The following PSD2 variants were observed in gnomAD, a reference collection of about 807,000 sequenced individuals.
The protein encoded by PSD2 is pleckstrin and Sec7 domain containing 2.
PSD2 carries 38 observed loss-of-function variants against 69.8 expected under a neutral mutation model. The observed-to-expected ratio is 0.54, with a 90% CI of 0.42 to 0.71. The LOEUF (loss-of-function observed/expected upper bound fraction) is 0.71, where lower values mean the gene tolerates loss of function less well. PSD2 is among the 30% of genes least tolerant of loss of function. The pLI is 0.00. For missense variants in PSD2, 943 were observed against 1,014.5 expected, an observed-to-expected ratio of 0.93 and a Z score of 0.96; for synonymous variants, 412 against 423.0, an observed-to-expected ratio of 0.97 and a Z score of 0.32.
At chr5:139,800,837 G>A (rs1027471581) in intron 1 of PSD2, among the ~76,000 whole-genome samples, 11 of 152,220 alleles carry the variant, frequency 7.2e-5, no homozygotes, top group South Asian at 4.2e-4. Flanking sequence ...CAGGGCCCCC[G>A]CCTGCATCAT....
chr5:139,782,407 C>T, the PSD2 span, among the ~76,000 whole-genome samples: 3 of 151,970 alleles, frequency 2.0e-5, no homozygotes, highest in Non-Finnish European at 4.4e-5. Flanking sequence ...TGGTCTCAAA[C>T]TCCTGACCTC....
the PSD2 span, among the ~76,000 whole-genome samples, chr5:139,784,850 G>A: frequency 6.6e-6 from 1 of 152,060 alleles, no homozygotes; most frequent in African/African-American, 2.4e-5. Context: ...CGCCTCCTGG[G>A]TTCAAATGAT....
the PSD2 span, among the ~76,000 whole-genome samples, chr5:139,788,331 C>T: frequency 6.6e-6 from 1 of 152,244 alleles, no homozygotes. Flanking sequence ...CTCCTCTCCC[C>T]GCCCAGCTTC....
At chr5:139,799,216 C>T (rs1759605735) in intron 1 of PSD2, among the ~76,000 whole-genome samples, 1 of 152,178 alleles carries the variant, frequency 6.6e-6, no homozygotes, top group Non-Finnish European at 1.5e-5. Flanking sequence ...TTCTGTTCCT[C>T]CCCCTTCCCT....
the PSD2 span, among the ~76,000 whole-genome samples, chr5:139,790,537 G>A: frequency 6.6e-6 from 1 of 152,176 alleles, no homozygotes; most frequent in Non-Finnish European, 1.5e-5. Context: ...AGGAAGATGA[G>A]AAGGTGCAGC....
At chr5:139,804,005 G>T (rs1245954016) in intron 1 of PSD2, among the ~76,000 whole-genome samples, 1 of 152,210 alleles carries the variant, frequency 6.6e-6, no homozygotes, top group Non-Finnish European at 1.5e-5. Flanking sequence ...GTCCTGTGGA[G>T]CCCTGGAGCA....
At chr5:139,789,830 A>G in the PSD2 span, among the ~76,000 whole-genome samples, 1 of 152,048 alleles carries the variant, frequency 6.6e-6, no homozygotes, top group Admixed American at 6.6e-5. Flanking sequence ...TGTGTTATGG[A>G]GGAAAAGAAG....
chr5:139,821,164 C>T (rs948798541), intron 5 of PSD2, among the ~76,000 whole-genome samples: 9 of 152,128 alleles, frequency 5.9e-5, no homozygotes, highest in African/African-American at 2.2e-4. Context: ...AACTCCTGAC[C>T]TTGGGTGATC....
intron 4 of PSD2, among the ~76,000 whole-genome samples, chr5:139,817,046 G>T (rs919302536): frequency 1.3e-5 from 2 of 152,138 alleles, no homozygotes; most frequent in Admixed American, 6.5e-5. Flanking sequence ...AGCAGGTAGC[G>T]CATTCCAAAA....
the PSD2 span, among the ~76,000 whole-genome samples, chr5:139,789,510 C>CA: frequency 2.0e-5 from 3 of 152,174 alleles, no homozygotes; most frequent in African/African-American, 7.2e-5. Flanking sequence ...CCTGGGAGGT[C>CA]AAGGCTGTAG....
intron 1 of PSD2, among the ~76,000 whole-genome samples, chr5:139,807,120 G>C (rs1197581752): frequency 6.6e-6 from 1 of 152,184 alleles, no homozygotes; most frequent in East Asian, 1.9e-4. Flanking sequence ...TGAAGCTGCT[G>C]ATACTCTTAA....
the PSD2 span, among the ~76,000 whole-genome samples, chr5:139,770,066 A>G: frequency 6.6e-6 from 1 of 152,216 alleles, no homozygotes; most frequent in Non-Finnish European, 1.5e-5. Context: ...GTGTGCATGC[A>G]GTGCTGGTGA....
chr5:139,843,666 C>T lies in PSD2; in HGVS notation c.*1192C>T, dbSNP rs1264722745. Reference sequence around the variant, plus strand: ...GACAAGTTATTGATTGTTTTTCTGTCGCTATTTCTTTCATTTGTCTAGTGA... The same window carrying T: ...GACAAGTTATTGATTGTTTTTCTGTTGCTATTTCTTTCATTTGTCTAGTGA... On this transcript the variant is annotated 3_prime_UTR_variant, in exon 15 of 15. Transcript: ENST00000274710. 2 of 152,202 alleles carry T rather than the reference C, an allele frequency of 1.3e-5. No individual in the cohort carries two copies. The highest frequency in any genetic ancestry group is 2.4e-5 in the African/African-American group (1 of 41,454). The allele number at this position is 152,202 out of a possible 1,614,324, so 9.4% of individuals were successfully genotyped here. A position where few individuals can be genotyped will look rare whatever the true frequency, so the allele number is the denominator to read the frequency against.
At chr5:139,832,552 C>G (rs1207881170) in intron 7 of PSD2, among the ~76,000 whole-genome samples, 2 of 152,220 alleles carry the variant, frequency 1.3e-5, no homozygotes, top group Admixed American at 1.3e-4. Flanking sequence ...ATGGAATCCT[C>G]TCCTTGGAGA....
the PSD2 span, among the ~76,000 whole-genome samples, chr5:139,774,698 G>T: frequency 6.6e-6 from 1 of 152,118 alleles, no homozygotes; most frequent in Non-Finnish European, 1.5e-5. Context: ...CACCATGTTG[G>T]TCAGGCTGGT....
intron 5 of PSD2, 128 bp downstream of exon 5, chr5:139,817,689 G>A: frequency 1.3e-6 from 1 of 768,694 alleles, no homozygotes; most frequent in Non-Finnish European, 2.2e-6. Context: ...TGAGGCTGTG[G>A]GGAAGGGGCC....
the PSD2 span, among the ~76,000 whole-genome samples, chr5:139,782,997 A>C: frequency 6.6e-6 from 1 of 152,168 alleles, no homozygotes; most frequent in African/African-American, 2.4e-5. Context: ...TTAGATGAGA[A>C]CTCACCACTG....
intron 1 of PSD2, among the ~76,000 whole-genome samples, chr5:139,797,966 TAGGGAGGTGG>T (rs1379836087): frequency 6.6e-6 from 1 of 152,190 alleles, no homozygotes; most frequent in Non-Finnish European, 1.5e-5. Context: ...TGTAGTTTCC[TAGGGAGGTGG>T]GATCAAGGCA....
At chr5:139,840,928 C>T (rs188263997) in intron 14 of PSD2, among the ~76,000 whole-genome samples, 3 of 152,298 alleles carry the variant, frequency 2.0e-5, no homozygotes, top group African/African-American at 7.2e-5. Flanking sequence ...CCATCTTCAC[C>T]ATTTTTAAGT....
Sources: gnomAD v4.1 joint callset for allele counts (sites outside exome capture counted in the v4.1 genomes callset) on GRCh38, gnomAD v4.1.1 for gene constraint, MANE v1.5 for transcripts, NCBI Gene and HGNC (gene_info 2026-07-23, HGNC 2026-07-21) for gene names.